TUSC3: variants seen among roughly 807,000 people sequenced by gnomAD.
TUSC3 encodes the protein tumor suppressor candidate 3.
Under a neutral mutation model 44.8 loss-of-function variants are expected in TUSC3, and 45 were observed. That is an observed-to-expected ratio of 1.00 (90% CI 0.79 to 1.29). TUSC3 has a LOEUF of 1.29. Among genes scored for constraint, TUSC3 ranks in the 50% most tolerant of loss-of-function variants. The pLI is 0.00. For missense variants in TUSC3, 519 were observed against 437.9 expected (o/e 1.19, Z -1.65); for synonymous variants, 212 against 152.9 (o/e 1.39, Z -2.85).
intron 1 of TUSC3, among the ~76,000 whole-genome samples, chr8:15,586,608 T>G (rs1277313822): frequency 2.6e-5 from 4 of 152,132 alleles, no homozygotes; most frequent in African/African-American, 9.7e-5. Flanking sequence ...ATACTGTGAA[T>G]GCAAATCATT....
At chr8:15,518,476 A>G (rs1415866332) in intron 2 of TUSC3, among the ~76,000 whole-genome samples, 1 of 152,186 alleles carries the variant, frequency 6.6e-6, no homozygotes, top group Non-Finnish European at 1.5e-5. Flanking sequence ...GGAACTATAT[A>G]TGGGATATTA....
intron 2 of TUSC3, among the ~76,000 whole-genome samples, chr8:15,530,303 C>T (rs904367831): frequency 6.6e-6 from 1 of 152,010 alleles, no homozygotes; most frequent in South Asian, 2.1e-4. Flanking sequence ...TTCTTTCTTG[C>T]CCCTACTCCT....
intron 1 of TUSC3, among the ~76,000 whole-genome samples, chr8:15,617,804 C>G (rs771353317): frequency 2.6e-5 from 4 of 152,160 alleles, no homozygotes; most frequent in Non-Finnish European, 4.4e-5. Context: ...CCTCCCAACC[C>G]TGGCTGATCA....
At chr8:15,721,677 T>A (rs942645825) in intron 6 of TUSC3, among the ~76,000 whole-genome samples, 1 of 152,144 alleles carries the variant, frequency 6.6e-6, no homozygotes, top group Non-Finnish European at 1.5e-5. Context: ...ATTATACATT[T>A]CAGTTTTTCT....
chr8:15,494,557 T>C (rs1242615044), intron 2 of TUSC3, among the ~76,000 whole-genome samples: 1 of 152,148 alleles, frequency 6.6e-6, no homozygotes, highest in Non-Finnish European at 1.5e-5. Context: ...GACGTCGTGA[T>C]CTGCACGCCT....
chr8:15,567,287 C>T (rs1455459472), intron 1 of TUSC3, among the ~76,000 whole-genome samples: 1 of 152,144 alleles, frequency 6.6e-6, no homozygotes, highest in Admixed American at 6.5e-5. Context: ...ACAAAAAGTT[C>T]TTCCTAACTT....
At chr8:15,440,333 A>G (rs1800004519) in intron 1 of TUSC3, among the ~76,000 whole-genome samples, 1 of 152,176 alleles carries the variant, frequency 6.6e-6, no homozygotes, top group African/African-American at 2.4e-5. Flanking sequence ...GCTTGGAGAA[A>G]GGGAAGGAGA....
At chr8:15,786,213 C>T in the TUSC3 span, among the ~76,000 whole-genome samples, 1 of 152,166 alleles carries the variant, frequency 6.6e-6, no homozygotes, top group Non-Finnish European at 1.5e-5. Context: ...AACTTCATTA[C>T]ATACAAGCTT....
intron 2 of TUSC3, among the ~76,000 whole-genome samples, chr8:15,506,836 C>T (rs183756596): frequency 1.3e-5 from 2 of 152,192 alleles, no homozygotes; most frequent in Non-Finnish European, 1.5e-5. Context: ...CAGAAAGGGC[C>T]CTGCCCCTTA....
In TUSC3 at chr8:15,659,570, G is replaced by A; in HGVS notation, c.490G>A (p.Asp164Asn). The A allele has an allele frequency of 6.2e-7, 1 of 1,613,462 alleles. No homozygotes were observed. The highest frequency in any genetic ancestry group is 8.5e-7 in the Non-Finnish European group (1 of 1,179,702). Residue 164 changes from aspartate to asparagine, a missense_variant, in exon 4 of 11, where the codon GAT (aspartate) becomes AAT (asparagine). Asp to Asn is a conservative substitution (Grantham distance 23). Transcript: ENST00000503731. Reference sequence around the variant, plus strand: ...TCCAAAAGGCAGACCTAAGAGAGCTGATACTTTTGACCTCCAAAGAATTGG... The same window carrying A: ...TCCAAAAGGCAGACCTAAGAGAGCTAATACTTTTGACCTCCAAAGAATTGG... Reference protein sequence around the residue: ...FPPKGRPKRADTFDLQRIGFA... With the variant: ...FPPKGRPKRANTFDLQRIGFA...
chr8:15,477,469 T>C (rs1204846861), intron 1 of TUSC3, among the ~76,000 whole-genome samples: 1 of 152,184 alleles, frequency 6.6e-6, no homozygotes, highest in Non-Finnish European at 1.5e-5. Flanking sequence ...ACGCCTGTAA[T>C]CCCAGCACTT....
intron 1 of TUSC3, among the ~76,000 whole-genome samples, chr8:15,445,929 G>A (rs577804193): frequency 3.9e-4 from 59 of 151,042 alleles, no homozygotes; most frequent in African/African-American, 1.4e-3. Flanking sequence ...CCTTCCGGAC[G>A]GGGCGGCTGG....
At chr8:15,709,636 T>G (rs1003641919) in intron 6 of TUSC3, among the ~76,000 whole-genome samples, 3 of 151,886 alleles carry the variant, frequency 2.0e-5, no homozygotes, top group Non-Finnish European at 4.4e-5. Context: ...ATGATGATGA[T>G]GATGATAAAT....
At chr8:15,606,851 A>G (rs10101614) in intron 1 of TUSC3, among the ~76,000 whole-genome samples, 2,500 of 152,186 alleles carry the variant, frequency 0.016, 66 homozygotes, top group African/African-American at 0.057. Context: ...TTACCAATGC[A>G]TAGCCATATT....
chr8:15,446,592 C>G (rs187750514), intron 1 of TUSC3, among the ~76,000 whole-genome samples: 32 of 151,808 alleles, frequency 2.1e-4, no homozygotes, highest in African/African-American at 7.5e-4. Flanking sequence ...TCAGGCGTGG[C>G]GGCGGGCGCC....
chr8:15,722,990 A>G lies in TUSC3; in HGVS notation c.799-7676A>G, dbSNP rs528639557. 2.7e-4 allele frequency among the ~76,000 whole-genome samples: 41 copies of G among 152,186 alleles called. 2 individuals carry two copies. The South Asian group carries it at 7.9e-3, about 29-fold the overall frequency. ...TAGCTTATAGCTCATTAGTAGTACA[A>G]ATTTCTCGTCCTACCACAGACCTAT... is the stretch of plus-strand genomic sequence containing the variant. On this transcript the variant is annotated intron_variant, in intron 6 of 10. Transcript: ENST00000503731.
chr8:15,685,378 T>C (rs773710832), intron 6 of TUSC3, among the ~76,000 whole-genome samples: 1 of 152,112 alleles, frequency 6.6e-6, no homozygotes, highest in African/African-American at 2.4e-5. Flanking sequence ...CTCTTCTCTA[T>C]TGACTTGATG....
chr8:15,513,284 A>G (rs1159764259), intron 2 of TUSC3, among the ~76,000 whole-genome samples: 3 of 152,134 alleles, frequency 2.0e-5, no homozygotes, highest in African/African-American at 4.8e-5. Context: ...CAACTTGACT[A>G]TAGTCATGGG....
intron 1 of TUSC3, among the ~76,000 whole-genome samples, chr8:15,426,966 G>A (rs114740434): frequency 0.012 from 1,878 of 152,216 alleles, 37 homozygotes; most frequent in African/African-American, 0.043. Flanking sequence ...CTGAGCATTA[G>A]TGATGTTGAG....
Sources: allele counts gnomAD v4.1 joint callset (sites outside exome capture counted in the v4.1 genomes callset), GRCh38; gene constraint gnomAD v4.1.1; transcripts MANE v1.5; gene names NCBI Gene and HGNC (gene_info 2026-07-23, HGNC 2026-07-21).